Variants in ABTB3 observed in about 807,000 individuals in gnomAD.
ABTB3 encodes the protein ankyrin repeat- and BTB/POZ domain-containing protein 3.
chr12:107,592,859 ATGGTCAGCGTGTAGG>A, the ABTB3 span, among the ~76,000 whole-genome samples: 1 of 152,156 alleles, frequency 6.6e-6, no homozygotes, highest in African/African-American at 2.4e-5. Context: ...ATTGTGTTGG[ATGGTCAGCGTGTAGG>A]TGGTCATTAT....
the ABTB3 span, among the ~76,000 whole-genome samples, chr12:107,482,962 TTC>T: frequency 4.4e-5 from 3 of 67,994 alleles, no homozygotes; most frequent in Non-Finnish European, 8.4e-5. Context: ...CTTTCTTTCT[TTC>T]TTTCTTTCTT....
the ABTB3 span, among the ~76,000 whole-genome samples, chr12:107,491,274 C>T: frequency 6.6e-6 from 1 of 152,190 alleles, no homozygotes; most frequent in African/African-American, 2.4e-5. Context: ...GCCCAGCCTT[C>T]ACACCCTGTT....
the ABTB3 span, among the ~76,000 whole-genome samples, chr12:107,392,515 C>A: frequency 0.061 from 9,270 of 152,226 alleles, 353 homozygotes; most frequent in Middle Eastern, 0.13. Context: ...GGGCCCAGAT[C>A]GTTCTCATTC....
chr12:107,484,263 G>GC, the ABTB3 span, among the ~76,000 whole-genome samples: 1 of 152,224 alleles, frequency 6.6e-6, no homozygotes, highest in African/African-American at 2.4e-5. Flanking sequence ...CAAAGCTGCA[G>GC]CTTCAAACGG....
At chr12:107,575,853 G>A in the ABTB3 span, among the ~76,000 whole-genome samples, 2 of 152,186 alleles carry the variant, frequency 1.3e-5, no homozygotes, top group Admixed American at 1.3e-4. Context: ...TTAGGATGTG[G>A]ACATCTTCGG....
the ABTB3 span, among the ~76,000 whole-genome samples, chr12:107,562,681 C>A: frequency 1.3e-5 from 2 of 152,230 alleles, no homozygotes; most frequent in African/African-American, 4.8e-5. Flanking sequence ...ATGAGTTGAA[C>A]TAAAACAAAT....
At chr12:107,635,294 A>C in the ABTB3 span, 1 of 1,613,388 alleles carries the variant, frequency 6.2e-7, no homozygotes. Flanking sequence ...GAATGAAGTG[A>C]TCAGCCAGCA....
the ABTB3 span, among the ~76,000 whole-genome samples, chr12:107,375,462 AT>A: frequency 6.6e-6 from 1 of 151,774 alleles, no homozygotes; most frequent in Admixed American, 6.6e-5. Context: ...CATCATCATC[AT>A]CATAAATAAA....
chr12:107,645,046 T>C, the ABTB3 span, among the ~76,000 whole-genome samples: 37 of 150,808 alleles, frequency 2.5e-4, no homozygotes, highest in African/African-American at 8.1e-4. Flanking sequence ...AATCTCGGCT[T>C]ACTGCAACCT....
chr12:107,385,814 C>T, the ABTB3 span, among the ~76,000 whole-genome samples: 4 of 152,202 alleles, frequency 2.6e-5, no homozygotes, highest in South Asian at 2.1e-4. Context: ...TCCTGCTCCT[C>T]GCTGGCCTGG....
the ABTB3 span, among the ~76,000 whole-genome samples, chr12:107,450,708 G>C: frequency 6.6e-6 from 1 of 152,146 alleles, no homozygotes; most frequent in Admixed American, 6.5e-5. Context: ...CCCAGGGAGG[G>C]AACTAGAGGT....
the ABTB3 span, among the ~76,000 whole-genome samples, chr12:107,510,130 G>A: frequency 2.6e-5 from 4 of 152,148 alleles, no homozygotes; most frequent in South Asian, 2.1e-4. Flanking sequence ...GGCCAGGTCC[G>A]TCCGATGCCC....
chr12:107,474,092 T>A, the ABTB3 span, among the ~76,000 whole-genome samples: 1 of 152,204 alleles, frequency 6.6e-6, no homozygotes, highest in Admixed American at 6.5e-5. Context: ...CCGAGGCCAT[T>A]TCTCCTTTGG....
chr12:107,490,329 A>T, the ABTB3 span, among the ~76,000 whole-genome samples: 1 of 152,214 alleles, frequency 6.6e-6, no homozygotes. Flanking sequence ...GTCCTGGTCA[A>T]CAGCTCAACT....
At chr12:107,386,890 AGTGTGTGT>A in the ABTB3 span, among the ~76,000 whole-genome samples, 1,793 of 143,340 alleles carry the variant, frequency 0.013, 12 homozygotes, top group Non-Finnish European at 0.016. Context: ...GGAAATGGAA[AGTGTGTGT>A]GTGTGTGTGT....
chr12:107,367,760 C>CTGGGA, the ABTB3 span, among the ~76,000 whole-genome samples: 1 of 152,114 alleles, frequency 6.6e-6, no homozygotes, highest in African/African-American at 2.4e-5. Context: ...CTGCCTTGGC[C>CTGGGA]TTCCAAAGTG....
At chr12:107,375,717 T>C in the ABTB3 span, among the ~76,000 whole-genome samples, 1 of 152,162 alleles carries the variant, frequency 6.6e-6, no homozygotes, top group Non-Finnish European at 1.5e-5. Flanking sequence ...TGAGGTTCCT[T>C]ACTACTTGGT....
chr12:107,508,833 T>G, the ABTB3 span, among the ~76,000 whole-genome samples: 2 of 152,222 alleles, frequency 1.3e-5, no homozygotes, highest in Non-Finnish European at 2.9e-5. Context: ...CATGGCGTTA[T>G]GCCCATGAGT....
At chr12:107,319,087 G>C in the ABTB3 span, 13 of 1,610,546 alleles carry the variant, frequency 8.1e-6, no homozygotes, top group South Asian at 6.6e-5. Flanking sequence ...CGTATGGCGG[G>C]AGCTGCTGGC....
Sources: allele counts gnomAD v4.1 joint callset (sites outside exome capture counted in the v4.1 genomes callset), GRCh38; gene constraint gnomAD v4.1.1; transcripts MANE v1.5; gene names NCBI Gene and HGNC (gene_info 2026-07-23, HGNC 2026-07-21).